Variants in EYS observed in about 807,000 individuals in gnomAD.
EYS encodes the protein protein eyes shut homolog.
EYS carries 250 observed loss-of-function variants against 282.1 expected under a neutral mutation model. The observed-to-expected ratio is 0.89, with a 90% CI of 0.80 to 0.98. The LOEUF is 0.98. Ranked by LOEUF, EYS falls within the 50% of genes least tolerant of loss-of-function variation. EYS has a pLI of 0.00. For missense variants in EYS, 4,016 were observed against 3,709.0 expected, an observed-to-expected ratio of 1.08 and a Z score of -2.15; for synonymous variants, 1,355 against 1,282.9, an observed-to-expected ratio of 1.06 and a Z score of -1.20.
chr6:65,681,512 T>G (rs577325283), intron 1 of EYS, among the ~76,000 whole-genome samples: 1 of 152,110 alleles, frequency 6.6e-6, no homozygotes, highest in African/African-American at 2.4e-5. Context: ...TGCTTTACGT[T>G]AATGATCTTC....
chr6:64,553,334 T>C (rs1011937723), intron 26 of EYS, among the ~76,000 whole-genome samples: 8 of 152,176 alleles, frequency 5.3e-5, no homozygotes, highest in African/African-American at 1.9e-4. Flanking sequence ...ATCAAATTTA[T>C]TTTTACACTG....
At chr6:65,015,991 G>T (rs922204274) in intron 13 of EYS, among the ~76,000 whole-genome samples, 2 of 150,752 alleles carry the variant, frequency 1.3e-5, no homozygotes, top group African/African-American at 2.4e-5. Context: ...GTTGCAGGGA[G>T]CTGAGATTGT....
chr6:63,993,002 C>T (rs1215860486), intron 34 of EYS, among the ~76,000 whole-genome samples: 1 of 151,726 alleles, frequency 6.6e-6, no homozygotes, highest in Non-Finnish European at 1.5e-5. Context: ...TTTGGTTCTT[C>T]CTGCGTTCAT....
At chr6:64,633,650 C>T (rs1164122397) in intron 22 of EYS, among the ~76,000 whole-genome samples, 2 of 149,328 alleles carry the variant, frequency 1.3e-5, no homozygotes, top group African/African-American at 2.5e-5. Context: ...AAAAATGGAG[C>T]CTAAGCCCCC....
intron 5 of EYS, among the ~76,000 whole-genome samples, chr6:65,413,524 A>G (rs1394025880): frequency 6.6e-6 from 1 of 152,102 alleles, no homozygotes; most frequent in Non-Finnish European, 1.5e-5. Flanking sequence ...AATATCTAAG[A>G]TTTATAGAAA....
intron 13 of EYS, among the ~76,000 whole-genome samples, chr6:65,017,696 C>T (rs1232435837): frequency 6.6e-6 from 1 of 152,216 alleles, no homozygotes; most frequent in African/African-American, 2.4e-5. Context: ...ACTCCACACT[C>T]ATATCTGAGC....
At chr6:63,778,670 A>G (rs906705310) in intron 39 of EYS, among the ~76,000 whole-genome samples, 2 of 152,142 alleles carry the variant, frequency 1.3e-5, no homozygotes, top group Admixed American at 6.5e-5. Context: ...TCTTATGTGT[A>G]TATCTTTGTC....
chr6:64,334,524 C>T (rs893490814), intron 29 of EYS, among the ~76,000 whole-genome samples: 1 of 152,062 alleles, frequency 6.6e-6, no homozygotes, highest in Non-Finnish European at 1.5e-5. Context: ...ATGGACTGGC[C>T]AGCTGGGCAC....
At chr6:65,025,078 C>T (rs1226025413) in intron 13 of EYS, among the ~76,000 whole-genome samples, 1 of 152,002 alleles carries the variant, frequency 6.6e-6, no homozygotes, top group East Asian at 1.9e-4. Flanking sequence ...TTTAAATTTC[C>T]AAGAAAAGTG....
At chr6:63,756,443 T>A (rs553335863) in intron 41 of EYS, among the ~76,000 whole-genome samples, 3 of 152,346 alleles carry the variant, frequency 2.0e-5, no homozygotes, top group African/African-American at 7.2e-5. Flanking sequence ...GATTTGCATA[T>A]GTTGAACCAG....
At chr6:65,185,676 A>C (rs983006471) in intron 12 of EYS, among the ~76,000 whole-genome samples, 7 of 151,710 alleles carry the variant, frequency 4.6e-5, no homozygotes, top group Non-Finnish European at 8.8e-5. Flanking sequence ...TTTCTAAGCT[A>C]TGTGTTCGTT....
At chr6:64,939,616 T>G (rs1358415579) in intron 15 of EYS, among the ~76,000 whole-genome samples, 1 of 151,910 alleles carries the variant, frequency 6.6e-6, no homozygotes, top group Non-Finnish European at 1.5e-5. Context: ...TGTTGGGATA[T>G]ATAAGAATAT....
chr6:64,622,083 T>C (rs12527047), intron 23 of EYS, among the ~76,000 whole-genome samples: 16,370 of 152,240 alleles, frequency 0.11, 1,064 homozygotes, highest in East Asian at 0.16. Context: ...AGGTACAGGA[T>C]GAACTCTGTG....
chr6:65,657,325 T>C (rs1767861623), intron 1 of EYS, among the ~76,000 whole-genome samples: 1 of 151,824 alleles, frequency 6.6e-6, no homozygotes, highest in Non-Finnish European at 1.5e-5. Context: ...ACAGATGCCG[T>C]AGATCGTGAT....
chr6:64,734,891 C>A (rs899091508), intron 22 of EYS, among the ~76,000 whole-genome samples: 5 of 152,018 alleles, frequency 3.3e-5, no homozygotes, highest in African/African-American at 1.2e-4. Flanking sequence ...GATTTCAGAA[C>A]AATAGGAATT....
chr6:64,812,982 C>T (rs1049368686), intron 22 of EYS, among the ~76,000 whole-genome samples: 2 of 151,872 alleles, frequency 1.3e-5, no homozygotes, highest in Non-Finnish European at 2.9e-5. Flanking sequence ...CTATTAAGAT[C>T]TCAGGAGATA....
At chr6:65,151,842 A>T (rs1439135027) in intron 12 of EYS, among the ~76,000 whole-genome samples, 5 of 151,842 alleles carry the variant, frequency 3.3e-5, no homozygotes, top group Non-Finnish European at 7.4e-5. Flanking sequence ...TTTTCAGGAA[A>T]ATATTTCCAG....
At chr6:64,379,017 A>T (rs1772657216) in intron 29 of EYS, among the ~76,000 whole-genome samples, 1 of 152,198 alleles carries the variant, frequency 6.6e-6, no homozygotes, top group Non-Finnish European at 1.5e-5. Context: ...AAAGCAATGT[A>T]ATATTTTACA....
chr6:64,902,178 A>G lies in EYS; in HGVS notation c.2781T>C (p.Ile927=). Residue 927 remains isoleucine, a synonymous_variant, in exon 18 of 43, where the codon ATT becomes ATC. Transcript: ENST00000503581. The stretch of plus-strand genomic sequence containing the variant: ...GTTCAGAGGAACATTCATTAATTTC[A>G]ATTTCACACAGAGATCCAGAAAACC... ...RPGFSGSLCE[I]EINECSSEPC... is the part of the protein sequence containing the mutation. 1 of 1,550,796 alleles carries G rather than the reference A, an allele frequency of 6.4e-7. No homozygotes were observed.
Sources: gnomAD v4.1 joint callset for allele counts (sites outside exome capture counted in the v4.1 genomes callset) on GRCh38, gnomAD v4.1.1 for gene constraint, MANE v1.5 for transcripts, NCBI Gene and HGNC (gene_info 2026-07-23, HGNC 2026-07-21) for gene names.